The following RORA variants were observed in gnomAD, a reference collection of about 807,000 sequenced individuals.
RORA encodes the protein nuclear receptor ROR-alpha.
Under a neutral mutation model 69.5 loss-of-function variants are expected in RORA, and 7 were observed. The observed-to-expected ratio is 0.10, with a 90% CI of 0.06 to 0.19. The LOEUF is 0.19. RORA is among the 10% of genes least tolerant of loss of function. The pLI, the probability that RORA is intolerant of heterozygous loss-of-function variation, is 1.00. For synonymous variants in RORA, 261 were observed against 240.8 expected (o/e 1.08, Z -0.78); for missense variants, 457 against 663.0 (o/e 0.69, Z 3.41).
chr15:60,503,452 A>T (rs1384205280), intron 7 of RORA, 83 bp downstream of exon 7: 5 of 1,422,984 alleles, frequency 3.5e-6, no homozygotes, highest in Non-Finnish European at 4.9e-6. Context: ...TGTTCCCGAC[A>T]CCTTCCTTAC....
chr15:61,116,424 A>T lies in RORA; in HGVS notation c.166+112629T>A, dbSNP rs571390108. Among the ~76,000 whole-genome samples the T allele has an allele frequency of 2.6e-5, 4 of 152,286 alleles. 1 individual carries two copies. In the South Asian group the frequency reaches 8.3e-4, roughly 32 times the overall value. ...CCTACAAATAAGAGAACAGCAGTTAAAGACCCCCACATTTCCTCTTCCCCT... is the reference window on the plus strand; with the variant it reads ...CCTACAAATAAGAGAACAGCAGTTATAGACCCCCACATTTCCTCTTCCCCT... On this transcript the variant is annotated intron_variant, in intron 1 of 10. Coordinates refer to ENST00000335670, the MANE Select transcript of RORA (RefSeq NM_134261.3).
In RORA at chr15:60,511,472, C is replaced by T. The variant is rs746557787; in HGVS notation, c.574G>A (p.Gly192Arg). The change falls in exon 5 of 11, where the codon GGG (glycine) becomes AGG (arginine). Residue 192 changes from glycine to arginine, a missense_variant. Around this residue, in one of 3 missense-constraint regions of RORA, gnomAD observed 304 missense variants for 447.4 expected, o/e 0.68. Coordinates refer to ENST00000335670, the MANE Select transcript of RORA (RefSeq NM_134261.3). The surrounding 1 kb of genome is among the most constrained non-coding windows in gnomAD (Gnocchi z 6.4). Reference protein sequence around the residue: ...LTPTYNISANGLTELHDDLSN... With the variant: ...LTPTYNISANRLTELHDDLSN... ...AGGTCGTCGTGAAGTTCCGTCAGCC[C>T]GTTGGCCGAGATGTTGTAGGTGGGC... 30 of 1,614,034 alleles carry T rather than the reference C, an allele frequency of 1.9e-5. 1 individual carries two copies. Among genetic ancestry groups the T allele is most frequent in the South Asian group, 5.5e-5 (5 of 91,080 alleles).
chr15:61,071,566 G>C, intron 1 of RORA, among the ~76,000 whole-genome samples: 1 of 27,072 alleles, frequency 3.7e-5, no homozygotes, highest in South Asian at 3.3e-3. Flanking sequence ...AAAGGGGAGG[G>C]GTAGGGAGGG....
intron 1 of RORA, among the ~76,000 whole-genome samples, chr15:60,897,929 G>C (rs1041750414): frequency 6.6e-6 from 1 of 152,172 alleles, no homozygotes; most frequent in Non-Finnish European, 1.5e-5. Flanking sequence ...GCCCATATTG[G>C]ATTAGAAAAA....
chr15:60,902,485 T>C (rs1891419988), intron 1 of RORA, among the ~76,000 whole-genome samples: 1 of 152,202 alleles, frequency 6.6e-6, no homozygotes, highest in Non-Finnish European at 1.5e-5. Flanking sequence ...GAATGCTGCT[T>C]GCAGGTTCAC....
chr15:61,018,242 G>A (rs1895373366), intron 1 of RORA, among the ~76,000 whole-genome samples: 4 of 152,284 alleles, frequency 2.6e-5, no homozygotes, highest in South Asian at 4.2e-4. Flanking sequence ...TCAGCAAAGT[G>A]TAGTAGGCTT....
intron 1 of RORA, among the ~76,000 whole-genome samples, chr15:61,026,191 G>A (rs758016906): frequency 5.3e-5 from 8 of 152,064 alleles, no homozygotes; most frequent in Non-Finnish European, 7.4e-5. Context: ...CTCATCCATC[G>A]TTGTTAAAAC....
intron 1 of RORA, among the ~76,000 whole-genome samples, chr15:60,708,107 T>C (rs2071089728): frequency 6.6e-6 from 1 of 152,210 alleles, no homozygotes; most frequent in African/African-American, 2.4e-5. Flanking sequence ...AGCTTATCTG[T>C]TAGGTCCTTT....
At chr15:61,093,170 A>G (rs907385296) in intron 1 of RORA, among the ~76,000 whole-genome samples, 7 of 152,172 alleles carry the variant, frequency 4.6e-5, no homozygotes, top group Non-Finnish European at 1.0e-4. Flanking sequence ...CATTTATTCC[A>G]CAAAGAGATA....
intron 1 of RORA, among the ~76,000 whole-genome samples, chr15:60,726,844 C>G (rs1011289819): frequency 3.9e-5 from 6 of 151,942 alleles, no homozygotes; most frequent in African/African-American, 1.5e-4. Flanking sequence ...TCAAAAAGGA[C>G]AAGGAGGAAA....
chr15:60,983,084 C>T (rs1894095513), intron 1 of RORA, among the ~76,000 whole-genome samples: 1 of 152,122 alleles, frequency 6.6e-6, no homozygotes, highest in African/African-American at 2.4e-5. Flanking sequence ...CCCCCTACTA[C>T]AACCAACTGA....
chr15:61,022,066 C>T (rs915633759), intron 1 of RORA, among the ~76,000 whole-genome samples: 53 of 152,186 alleles, frequency 3.5e-4, no homozygotes, highest in African/African-American at 1.3e-3. Context: ...AGGGTGGCAT[C>T]TGTAAAGAGT....
intron 1 of RORA, among the ~76,000 whole-genome samples, chr15:60,830,788 A>C (rs1029775914): frequency 3.3e-5 from 5 of 152,252 alleles, no homozygotes; most frequent in Admixed American, 1.3e-4. Flanking sequence ...AAACAGGCAC[A>C]GAATGTGATG....
At chr15:60,515,853 C>T (rs1034414769) in intron 3 of RORA, among the ~76,000 whole-genome samples, 3 of 139,244 alleles carry the variant, frequency 2.2e-5, no homozygotes, top group African/African-American at 8.1e-5. Flanking sequence ...TGTAGGTGCA[C>T]ACCACCATGC....
chr15:60,507,792 G>T (rs1398373248), intron 5 of RORA, among the ~76,000 whole-genome samples: 2 of 152,320 alleles, frequency 1.3e-5, no homozygotes, highest in East Asian at 3.9e-4. Context: ...AGTAGGGGGG[G>T]ATGCTGTGGA....
At chr15:60,621,057 A>G (rs935067426) in intron 2 of RORA, among the ~76,000 whole-genome samples, 1 of 152,228 alleles carries the variant, frequency 6.6e-6, no homozygotes, top group African/African-American at 2.4e-5. Flanking sequence ...GCTTTGGCGT[A>G]GAGGGAGGAG....
intron 2 of RORA, among the ~76,000 whole-genome samples, chr15:60,559,953 G>C (rs1276556754): frequency 1.3e-5 from 2 of 152,102 alleles, no homozygotes; most frequent in African/African-American, 4.8e-5. Context: ...CCATAGCCAA[G>C]AGTTAATATA....
At chr15:60,607,927 T>C (rs972794326) in intron 2 of RORA, among the ~76,000 whole-genome samples, 6 of 152,248 alleles carry the variant, frequency 3.9e-5, no homozygotes, top group Non-Finnish European at 7.3e-5. Context: ...TTTCTAAAAG[T>C]ATGCTTTATC....
At chr15:61,174,970 C>G (rs756191109) in intron 1 of RORA, among the ~76,000 whole-genome samples, 26 of 152,170 alleles carry the variant, frequency 1.7e-4, no homozygotes, top group Non-Finnish European at 3.1e-4. Context: ...CCCAAATCTG[C>G]TTGACTGCAA....
Sources: allele counts gnomAD v4.1 joint callset (sites outside exome capture counted in the v4.1 genomes callset), GRCh38; gene constraint gnomAD v4.1.1; regional missense constraint gnomAD v4.1.1; non-coding constraint Gnocchi (gnomAD v3.1); transcripts MANE v1.5; gene names NCBI Gene and HGNC (gene_info 2026-07-23, HGNC 2026-07-21).